The following DDI2 variants were observed in gnomAD, a reference collection of about 807,000 sequenced individuals.
The protein encoded by DDI2 is DDI proteasomal shuttling factor 2.
A neutral mutation model predicts 48.1 loss-of-function variants in DDI2; 5 were observed. That is an observed-to-expected ratio of 0.10 (90% CI 0.05 to 0.22). The LOEUF (loss-of-function observed/expected upper bound fraction) is 0.22, where lower values mean the gene tolerates loss of function less well. DDI2 is among the 10% of genes least tolerant of loss of function. The pLI is 1.00. For synonymous variants in DDI2, 205 were observed against 183.6 expected, an observed-to-expected ratio of 1.12 and a Z score of -0.94; for missense variants, 285 against 506.2, an observed-to-expected ratio of 0.56 and a Z score of 4.19.
intron 8 of DDI2, among the ~76,000 whole-genome samples, chr1:15,652,400 C>T (rs1334183515): frequency 9.2e-5 from 12 of 130,706 alleles, no homozygotes; most frequent in South Asian, 2.6e-4. Flanking sequence ...TATTCTGGCC[C>T]GGCGTGGTGG....
At chr1:15,636,920 T>C (rs1639939493) in intron 4 of DDI2, among the ~76,000 whole-genome samples, 1 of 152,236 alleles carries the variant, frequency 6.6e-6, no homozygotes, top group Non-Finnish European at 1.5e-5. Flanking sequence ...TCCATAAAAC[T>C]TTTTTTGCCT....
chr1:15,642,924 G>A (rs1157004337), intron 5 of DDI2, among the ~76,000 whole-genome samples: 5 of 152,192 alleles, frequency 3.3e-5, no homozygotes, highest in East Asian at 1.9e-4. Context: ...AAAATTAGCC[G>A]GGTGTGGTGG....
At chr1:15,631,953 G>A (rs930437084) in intron 3 of DDI2, among the ~76,000 whole-genome samples, 1 of 151,872 alleles carries the variant, frequency 6.6e-6, no homozygotes, top group African/African-American at 2.4e-5. Flanking sequence ...CTACAGGCGT[G>A]CACCACCACA....
rs1408683963 is a variant in DDI2, at chr1:15,668,777, A to T, written c.*8987A>T. On this transcript the variant is annotated 3_prime_UTR_variant, in exon 10 of 10. Transcript: ENST00000480945. Reference sequence around the variant, plus strand: ...TGCTTTGGTTTTGAGAGTTGGGAAAACTCTGAGAACTTAAGGGAACCAAAC... The same window carrying T: ...TGCTTTGGTTTTGAGAGTTGGGAAATCTCTGAGAACTTAAGGGAACCAAAC... 1 of 152,056 alleles carries T rather than the reference A, an allele frequency of 6.6e-6. No homozygotes were observed. The highest frequency in any genetic ancestry group is 2.4e-5 in the African/African-American group (1 of 41,402). The allele number at this position is 152,056 out of a possible 1,614,324, so 9.4% of individuals were successfully genotyped here. A position where few individuals can be genotyped will look rare whatever the true frequency, so the allele number is the denominator to read the frequency against.
chr1:15,666,588 A>C lies in DDI2; in HGVS notation c.*6798A>C, dbSNP rs1421064549. 1 of 152,202 alleles carries C rather than the reference A, an allele frequency of 6.6e-6. No individual in the cohort carries two copies. The highest frequency in any genetic ancestry group is 1.5e-5 in the Non-Finnish European group (1 of 68,018). 9.4% of individuals were successfully genotyped at this position (152,202 alleles called of 1,614,324 possible). A position where few individuals can be genotyped will look rare whatever the true frequency, so the allele number is the denominator to read the frequency against. On this transcript the variant is annotated 3_prime_UTR_variant, in exon 10 of 10. Transcript: ENST00000480945. ...TTTGAAAGGAAATTGGTACTCTTGAAGGCTATGCAACATGAGTCTTTGAAC... is the reference window on the plus strand; with the variant it reads ...TTTGAAAGGAAATTGGTACTCTTGACGGCTATGCAACATGAGTCTTTGAAC...
chr1:15,638,156 T>A, intron 4 of DDI2, 151 bp from the exon 5 acceptor site: 1 of 936,044 alleles, frequency 1.1e-6, no homozygotes, highest in Non-Finnish European at 1.6e-6. Context: ...AATGATCTCT[T>A]GCCCCATATA....
chr1:15,654,371 G>A (rs1300509538), intron 8 of DDI2, among the ~76,000 whole-genome samples: 1 of 152,154 alleles, frequency 6.6e-6, no homozygotes, highest in African/African-American at 2.4e-5. Context: ...TACAGTTTGA[G>A]TCAGGGCGTG....
intron 2 of DDI2, among the ~76,000 whole-genome samples, chr1:15,627,424 T>A (rs1175362026): frequency 6.6e-6 from 1 of 152,224 alleles, no homozygotes; most frequent in Non-Finnish European, 1.5e-5. Context: ...GACCACCAAG[T>A]TGTGGTTCTT....
In DDI2 at chr1:15,617,658, T is replaced by C. The variant is rs780053363; in HGVS notation, c.-13T>C. On this transcript the variant is annotated 5_prime_UTR_variant, in exon 1 of 10. Coordinates refer to ENST00000480945, the MANE Select transcript of DDI2 (RefSeq NM_032341.5). The stretch of plus-strand genomic sequence containing the variant: ...CCGGGCCGAGCCGAGCCGAGCCGGG[T>C]CGGGCCCGGGCCATGCTGCTCACCG... The C allele has an allele frequency of 1.4e-6, 2 of 1,428,790 alleles. No individual in the cohort carries two copies. The highest frequency in any genetic ancestry group is 2.4e-5 in the Admixed American group (1 of 41,800). The allele number at this position is 1,428,790 out of a possible 1,614,324, so 88.5% of individuals were successfully genotyped here.
intron 5 of DDI2, among the ~76,000 whole-genome samples, chr1:15,640,457 G>A (rs902189094): frequency 1.3e-5 from 2 of 152,154 alleles, no homozygotes; most frequent in Admixed American, 6.6e-5. Flanking sequence ...CGTGAGTGGT[G>A]GGCTTTGGAT....
At chr1:15,657,525 G>A (rs187772391) in intron 9 of DDI2, among the ~76,000 whole-genome samples, 9 of 152,144 alleles carry the variant, frequency 5.9e-5, no homozygotes, top group East Asian at 3.9e-4. Flanking sequence ...CCTCCCCTAC[G>A]TTTAGGACTT....
chr1:15,642,039 A>C (rs1640018946), intron 5 of DDI2, among the ~76,000 whole-genome samples: 1 of 152,164 alleles, frequency 6.6e-6, no homozygotes, highest in African/African-American at 2.4e-5. Flanking sequence ...GTTTGAGAGA[A>C]GAAAGACTAG....
At position 15,661,971 on chromosome 1, in the gene DDI2, C is replaced by T. The variant is rs1019350031; in HGVS notation, c.*2181C>T. 4.7e-5 allele frequency: 19 copies of T among 403,582 alleles called. No homozygotes were observed. The highest frequency in any genetic ancestry group is 7.3e-5 in the Non-Finnish European group (17 of 233,548). The allele number at this position is 403,582 out of a possible 1,614,324, so 25.0% of individuals were successfully genotyped here. On this transcript the variant is annotated 3_prime_UTR_variant, in exon 10 of 10. Transcript: ENST00000480945. ...TAAATGTATTGGCAGTATGTGCATACAGAAGCTTTTTATTCTCATTAAGAT... is the reference window on the plus strand; with the variant it reads ...TAAATGTATTGGCAGTATGTGCATATAGAAGCTTTTTATTCTCATTAAGAT...
intron 6 of DDI2, among the ~76,000 whole-genome samples, chr1:15,649,285 A>G (rs1640142270): frequency 6.6e-6 from 1 of 152,140 alleles, no homozygotes; most frequent in South Asian, 2.1e-4. Context: ...ATCAGAGAAC[A>G]CAGGAGGCAG....
chr1:15,637,770 A>T (rs555240957), intron 4 of DDI2, among the ~76,000 whole-genome samples: 57 of 152,230 alleles, frequency 3.7e-4, no homozygotes, highest in South Asian at 1.9e-3. Flanking sequence ...ATAAGCTGTT[A>T]TATGAGCACT....
chr1:15,663,726 T>C lies in DDI2; in HGVS notation c.*3936T>C, dbSNP rs1640412964. 6.6e-6 allele frequency: 1 copy of C among 151,826 alleles called. No individual in the cohort carries two copies. The highest frequency in any genetic ancestry group is 6.6e-5 in the Admixed American group (1 of 15,236). The allele number at this position is 151,826 out of a possible 1,614,324, so 9.4% of individuals were successfully genotyped here. A position where few individuals can be genotyped will look rare whatever the true frequency, so the allele number is the denominator to read the frequency against. On this transcript the variant is annotated 3_prime_UTR_variant, in exon 10 of 10. Transcript: ENST00000480945. ...ATCTAGTAGCAATGCAATGGGACCC[T>C]GTATTTGCTTTATGGGTGGTGGTTT...
chr1:15,654,663 A>G (rs1431511554), intron 8 of DDI2, among the ~76,000 whole-genome samples: 1 of 152,014 alleles, frequency 6.6e-6, no homozygotes, highest in Non-Finnish European at 1.5e-5. Context: ...TGTCCAAAAA[A>G]AAAAAAAAAA....
At position 15,649,816 on chromosome 1, in the gene DDI2, G is replaced by A. The variant is rs776201705; in HGVS notation, c.986G>A (p.Arg329Gln). The change falls in exon 7 of 10, where the codon CGG becomes CAG. Residue 329 changes from arginine (R) to glutamine (Q), a missense_variant. Arg to Gln is a conservative substitution (Grantham distance 43). Around this residue, in one of 3 missense-constraint regions of DDI2, gnomAD observed 70 missense variants for 182.3 expected, o/e 0.38. Coordinates refer to ENST00000480945, the MANE Select transcript of DDI2 (RefSeq NM_032341.5). The stretch of plus-strand genomic sequence containing the variant: ...CTTCTGGGACTGGACATGCTTAAAC[G>A]GCACCAGGTAATTAAGAGCTTCACT... ...DMLLGLDMLKRHQCSIDLKKN... is the reference protein window; with the variant it reads ...DMLLGLDMLKQHQCSIDLKKN... 4 of 1,607,574 alleles carry A rather than the reference G, an allele frequency of 2.5e-6. No homozygotes were observed. Among genetic ancestry groups the A allele is most frequent in the East Asian group, 2.2e-5 (1 of 44,556 alleles).
rs959838844 is a variant in DDI2 at position 15,668,423 on chromosome 1, G to C, written c.*8633G>C. 6.6e-6 allele frequency: 1 copy of C among 152,152 alleles called. No individual in the cohort carries two copies. The highest frequency in any genetic ancestry group is 2.4e-5 in the African/African-American group (1 of 41,412). 9.4% of individuals were successfully genotyped at this position (152,152 alleles called of 1,614,324 possible). On this transcript the variant is annotated 3_prime_UTR_variant, in exon 10 of 10. Transcript: ENST00000480945. ...TGAAATAGTTCTAGTGATAAACTCA[G>C]AGAAATTCAATATATTGATTGAATT...
Sources: allele counts gnomAD v4.1 joint callset (sites outside exome capture counted in the v4.1 genomes callset), GRCh38; gene constraint gnomAD v4.1.1; regional missense constraint gnomAD v4.1.1; transcripts MANE v1.5; gene names NCBI Gene and HGNC (gene_info 2026-07-23, HGNC 2026-07-21).